DNAH9: variants seen among roughly 807,000 people sequenced by gnomAD.
The protein encoded by DNAH9 is dynein axonemal heavy chain 9, also known as DNAH9 variant protein.
In DNAH9, 345 loss-of-function variants were observed where a neutral mutation model predicts 471.6. The ratio of observed to expected loss-of-function variants is 0.73; its 90% CI spans 0.67 to 0.80. DNAH9 has a LOEUF of 0.80. DNAH9 is among the 30% of genes least tolerant of loss of function. The pLI is 0.00. For synonymous variants in DNAH9, 2,093 were observed against 2,123.6 expected, an observed-to-expected ratio of 0.99 and a Z score of 0.40; for missense variants, 5,407 against 5,609.2, an observed-to-expected ratio of 0.96 and a Z score of 1.15.
At chr17:11,604,027 CTT>C (rs34701859) in intron 1 of DNAH9, among the ~76,000 whole-genome samples, 3 of 144,458 alleles carry the variant, frequency 2.1e-5, no homozygotes, top group Non-Finnish European at 3.0e-5. Flanking sequence ...TTCCCCACTT[CTT>C]TTTTTTTTTT....
At chr17:11,795,999 A>T (rs144159984) in intron 42 of DNAH9, among the ~76,000 whole-genome samples, 2 of 152,280 alleles carry the variant, frequency 1.3e-5, no homozygotes, top group Non-Finnish European at 2.9e-5. Flanking sequence ...AGCTTCTCTG[A>T]TTCATGGCCC....
rs1379351992 is a variant in DNAH9 at position 11,747,569 on chromosome 17, A to T, written c.6413A>T (p.Glu2138Val). Residue 2138 changes from glutamate (E) to valine (V), a missense_variant, in exon 32 of 69, where the codon GAG (glutamate) becomes GTG (valine). Around this residue, in one of 3 missense-constraint regions of DNAH9, gnomAD observed 4,636 missense variants for 4,900.3 expected, o/e 0.95. Coordinates refer to ENST00000262442, the MANE Select transcript of DNAH9 (RefSeq NM_001372.4). ...CTGCCTCCTCAGGTGGTCCAGCTGG[A>T]GGAGCTCCTGGCTGTGCGGCACTCT... ...DNFVLKVVQL[E>V]ELLAVRHSVF... 6.2e-7 allele frequency: 1 copy of T among 1,613,368 alleles called. No homozygotes were observed. Among genetic ancestry groups the T allele is most frequent in the Non-Finnish European group, 8.5e-7 (1 of 1,180,012 alleles).
In DNAH9 at chr17:11,797,776, G is replaced by T; in HGVS notation, c.8403G>T (p.Glu2801Asp). The T allele has an allele frequency of 1.2e-6, 2 of 1,613,920 alleles. No homozygotes were observed. The highest frequency in any genetic ancestry group is 2.2e-5 in the South Asian group (2 of 91,026). ...VNTVMDLVLFEDAMRHVCHIN... is the reference protein window; with the variant it reads ...VNTVMDLVLFDDAMRHVCHIN... The stretch of plus-strand genomic sequence containing the variant: ...CAGTGATGGACCTAGTTCTCTTTGA[G>T]GATGCCATGCGCCATGTGTAAGTGT... Residue 2801 changes from glutamate (E) to aspartate (D), a missense_variant, in exon 43 of 69, where the codon GAG (glutamate) becomes GAT (aspartate). By Grantham distance (45) the Glu-to-Asp change is conservative. This residue lies in a region of DNAH9 where 4,636 missense variants were observed against 4,900.3 expected (regional missense o/e 0.95). Coordinates refer to ENST00000262442, the MANE Select transcript of DNAH9 (RefSeq NM_001372.4).
Position 11,961,913 on chromosome 17 carries a change from T to C in DNAH9, c.12890T>C (p.Leu4297Pro). The C allele has an allele frequency of 6.2e-7, 1 of 1,613,970 alleles. No homozygotes were observed. The highest frequency in any genetic ancestry group is 8.5e-7 in the Non-Finnish European group (1 of 1,179,954). The change falls in exon 68 of 69, where the codon CTG becomes CCG. Residue 4297 changes from leucine to proline, a missense_variant. By Grantham distance (98) the Leu-to-Pro change is moderately conservative. Coordinates refer to ENST00000262442, the MANE Select transcript of DNAH9 (RefSeq NM_001372.4). ...CACATGGAGAACTTACAGAATGCCC[T>C]GTACTTCGATATGGTGCCAGAGTCC... is the stretch of plus-strand genomic sequence containing the variant. ...TSHMENLQNALYFDMVPESWA... is the reference protein window; with the variant it reads ...TSHMENLQNAPYFDMVPESWA...
At chr17:11,612,329 T>C (rs2072656692) in intron 4 of DNAH9, 2 of 194,934 alleles carry the variant, frequency 1.0e-5, no homozygotes, top group African/African-American at 2.3e-5. Context: ...ACTAAGTGCT[T>C]GTACCTCCCT....
rs1555605967 is a variant in DNAH9, at chr17:11,834,347, A to AAAAAAAG, written c.9247-289_9247-288insAAAAGAA. 1.1e-4 allele frequency among the ~76,000 whole-genome samples: 16 copies of AAAAAAAG among 148,978 alleles called. No homozygotes were observed. The East Asian group carries it at 1.3e-3, about 12-fold the overall frequency. ...CCGTCTCAAAAAAAAAAAAAAAAAA[A>AAAAAAAG]AAGAAGAAGAAGAAATAAAAAAGAA... On this transcript the variant is annotated intron_variant, in intron 48 of 68. Coordinates refer to ENST00000262442, the MANE Select transcript of DNAH9 (RefSeq NM_001372.4).
At chr17:11,966,532 T>C (rs1331344234) in intron 68 of DNAH9, among the ~76,000 whole-genome samples, 1 of 152,158 alleles carries the variant, frequency 6.6e-6, no homozygotes, top group Non-Finnish European at 1.5e-5. Flanking sequence ...CACAAAGATA[T>C]AGAATATTGA....
chr17:11,650,118 A>G (rs2073474738), intron 12 of DNAH9, among the ~76,000 whole-genome samples: 2 of 152,232 alleles, frequency 1.3e-5, no homozygotes, highest in South Asian at 4.1e-4. Context: ...TTGAGCTAGA[A>G]CTAGAAGACT....
At chr17:11,795,859 C>T (rs1322936770) in intron 42 of DNAH9, among the ~76,000 whole-genome samples, 5 of 152,128 alleles carry the variant, frequency 3.3e-5, no homozygotes, top group Non-Finnish European at 5.9e-5. Context: ...ATTATCCTTC[C>T]CCAACAACAT....
intron 20 of DNAH9, among the ~76,000 whole-genome samples, chr17:11,691,815 T>G (rs1268149628): frequency 6.6e-6 from 1 of 152,176 alleles, no homozygotes; most frequent in African/African-American, 2.4e-5. Context: ...GTTTTTGTTT[T>G]TGTTTTGAGA....
chr17:11,657,225 G>A (rs1447291892), intron 14 of DNAH9, among the ~76,000 whole-genome samples: 1 of 152,108 alleles, frequency 6.6e-6, no homozygotes, highest in Non-Finnish European at 1.5e-5. Flanking sequence ...TCACCAAATT[G>A]TGGGTTTATG....
rs1231507721 is a variant in DNAH9 at position 11,933,976 on chromosome 17, G to C, written c.12394G>C (p.Gly4132Arg). Residue 4132 changes from glycine (G) to arginine (R), a missense_variant, in exon 65 of 69, where the codon GGG (glycine) becomes CGG (arginine). Gly to Arg is a moderately radical substitution (Grantham distance 125, BLOSUM62 -2). Transcript: ENST00000262442. Reference sequence around the variant, plus strand: ...CAGAAGACTCTGCAGAACCTACCTGGGGGAATTCATTCGACCAGAAATGTT... The same window carrying C: ...CAGAAGACTCTGCAGAACCTACCTGCGGGAATTCATTCGACCAGAAATGTT... The part of the protein sequence containing the change: ...WDRRLCRTYL[G>R]EFIRPEMLEG... 6 of 1,614,128 alleles carry C rather than the reference G, an allele frequency of 3.7e-6. No individual in the cohort carries two copies. The highest frequency in any genetic ancestry group is 5.1e-6 in the Non-Finnish European group (6 of 1,180,018).
intron 8 of DNAH9, 28 bp downstream of exon 8, chr17:11,632,731 C>T (rs772526427): frequency 8.7e-6 from 10 of 1,154,052 alleles, no homozygotes; most frequent in Admixed American, 1.7e-5. Flanking sequence ...AGGAGCCACT[C>T]GGTCCTGGAT....
chr17:11,784,959 C>T (rs755084450), intron 41 of DNAH9, among the ~76,000 whole-genome samples: 13 of 152,084 alleles, frequency 8.5e-5, no homozygotes, highest in Non-Finnish European at 1.9e-4. Context: ...TGCAAGATAG[C>T]TCTGCTTCCT....
intron 37 of DNAH9, 22 bp downstream of exon 37, chr17:11,768,648 AGGAC>A: frequency 1.9e-6 from 3 of 1,609,036 alleles, no homozygotes; most frequent in Non-Finnish European, 2.6e-6. Context: ...TGAGCAGCCG[AGGAC>A]GTGCGTGCAG....
chr17:11,939,594 C>T (rs946817686), intron 66 of DNAH9, among the ~76,000 whole-genome samples: 1 of 152,064 alleles, frequency 6.6e-6, no homozygotes, highest in African/African-American at 2.4e-5. Context: ...CTGTCCACAC[C>T]GCAGGTCAGC....
At chr17:11,832,608 A>G (rs890554382) in intron 48 of DNAH9, among the ~76,000 whole-genome samples, 1 of 152,230 alleles carries the variant, frequency 6.6e-6, no homozygotes, top group African/African-American at 2.4e-5. Flanking sequence ...TGAATACACA[A>G]AATTAAAGAG....
chr17:11,828,571 G>C (rs577692243), intron 48 of DNAH9, among the ~76,000 whole-genome samples: 1 of 151,672 alleles, frequency 6.6e-6, no homozygotes, highest in African/African-American at 2.4e-5. Flanking sequence ...TTCCCAGACT[G>C]TATGCTGGTA....
chr17:11,652,947 A>G lies in DNAH9; in HGVS notation c.2540A>G (p.Glu847Gly). ...CTGGATGATCGGCATGATCGAATGG[A>G]AAAATATTACAATCTCATCAAGGAA... ...LSLDDRHDRM[E>G]KYYNLIKESG... The change falls in exon 14 of 69, where the codon GAA (glutamate) becomes GGA (glycine). Residue 847 changes from glutamate to glycine, a missense_variant. Glu to Gly is a moderately conservative substitution (Grantham distance 98, BLOSUM62 -2). This residue lies in a region of DNAH9 where 4,636 missense variants were observed against 4,900.3 expected (regional missense o/e 0.95). Coordinates refer to ENST00000262442, the MANE Select transcript of DNAH9 (RefSeq NM_001372.4). 1 of 1,614,078 alleles carries G rather than the reference A, an allele frequency of 6.2e-7. No individual in the cohort carries two copies. Among genetic ancestry groups the G allele is most frequent in the Non-Finnish European group, 8.5e-7 (1 of 1,179,930 alleles).
Sources: gnomAD v4.1 joint callset for allele counts (sites outside exome capture counted in the v4.1 genomes callset) on GRCh38, gnomAD v4.1.1 for gene constraint, gnomAD v4.1.1 regional missense constraint, MANE v1.5 for transcripts, NCBI Gene and HGNC (gene_info 2026-07-23, HGNC 2026-07-21) for gene names.